RASA2: variants seen among roughly 807,000 people sequenced by gnomAD.
The protein encoded by RASA2 is RAS p21 protein activator 2, also known as ras GTPase-activating protein 2.
In RASA2, 155 loss-of-function variants were observed where a neutral mutation model predicts 118.2. The observed-to-expected ratio is 1.31, with a 90% CI of 1.15 to 1.50. The LOEUF is 1.50. Ranked by LOEUF, RASA2 falls within the 40% of genes most tolerant of loss-of-function variation. The pLI is 0.00. For missense variants in RASA2, 1,016 were observed against 1,009.6 expected (o/e 1.01, Z -0.09); for synonymous variants, 353 against 349.1 (o/e 1.01, Z -0.12).
intron 19 of RASA2, among the ~76,000 whole-genome samples, chr3:141,592,320 T>C (rs905631661): frequency 1.3e-5 from 2 of 152,124 alleles, no homozygotes; most frequent in African/African-American, 4.8e-5. Context: ...AACAAATGCC[T>C]TGAAATAGAA....
chr3:141,576,905 C>T (rs530960290), intron 14 of RASA2, 95 bp from the exon 15 acceptor site: 1 of 706,092 alleles, frequency 1.4e-6, no homozygotes, highest in Middle Eastern at 2.7e-4. Context: ...TTATGTTGCT[C>T]TCCTAGTTTA....
chr3:141,597,136 C>T (rs2083386372), intron 19 of RASA2, among the ~76,000 whole-genome samples: 1 of 152,104 alleles, frequency 6.6e-6, no homozygotes, highest in Non-Finnish European at 1.5e-5. Flanking sequence ...CGTGGTGGCT[C>T]ACATCTGAAA....
At chr3:141,599,861 A>T (rs1201333310) in intron 19 of RASA2, among the ~76,000 whole-genome samples, 1 of 152,200 alleles carries the variant, frequency 6.6e-6, no homozygotes, top group Non-Finnish European at 1.5e-5. Flanking sequence ...AGAGTAAGGG[A>T]GGGAATGTAG....
intron 7 of RASA2, among the ~76,000 whole-genome samples, chr3:141,556,646 A>T (rs976688642): frequency 6.6e-6 from 1 of 152,190 alleles, no homozygotes; most frequent in Non-Finnish European, 1.5e-5. Flanking sequence ...CAGAAAAAAA[A>T]AATCAAACTC....
chr3:141,550,358 A>T (rs769356138), intron 5 of RASA2, among the ~76,000 whole-genome samples: 3 of 152,240 alleles, frequency 2.0e-5, no homozygotes, highest in Admixed American at 6.5e-5. Flanking sequence ...ACTACAAAAT[A>T]ACTGGCCAAT....
At chr3:141,577,213 G>A (rs1271687585) in intron 15 of RASA2, 107 bp downstream of exon 15, 1 of 802,712 alleles carries the variant, frequency 1.2e-6, no homozygotes. Context: ...TCTTATAACT[G>A]ATACTTAAAT....
chr3:141,610,606 T>A (rs1270991562), intron 23 of RASA2, among the ~76,000 whole-genome samples: 1 of 150,298 alleles, frequency 6.7e-6, no homozygotes, highest in East Asian at 1.9e-4. Flanking sequence ...TCCTCCCATC[T>A]CAGCATCTTG....
chr3:141,513,669 A>G (rs940886642), intron 2 of RASA2, among the ~76,000 whole-genome samples: 14 of 152,210 alleles, frequency 9.2e-5, no homozygotes, highest in African/African-American at 3.4e-4. Context: ...ATTTGAAGGG[A>G]AAAATATAGT....
At chr3:141,586,121 G>T in intron 18 of RASA2, 23 bp downstream of exon 18, 1 of 1,555,158 alleles carries the variant, frequency 6.4e-7, no homozygotes, top group Middle Eastern at 1.7e-4. Context: ...AATTAGACGT[G>T]AAAGTCATAT....
At chr3:141,489,913 C>G (rs2081620050) in intron 1 of RASA2, among the ~76,000 whole-genome samples, 1 of 150,134 alleles carries the variant, frequency 6.7e-6, no homozygotes, top group South Asian at 2.1e-4. Context: ...AACATGAGAC[C>G]TCAATATATA....
rs1478761596 is a variant in RASA2, at chr3:141,488,102, ATTAT to A, written c.133+889_133+892del. Among the ~76,000 whole-genome samples, 7 of 152,064 alleles carry A rather than the reference ATTAT, an allele frequency of 4.6e-5. No homozygotes were observed. In the East Asian group the frequency reaches 5.8e-4, roughly 13 times the overall value. ...GTTGTCCGAGCATTACTGTGGACAG[ATTAT>A]TTGAGTTCTGTCATTTGAACATTTT... On this transcript the variant is annotated intron_variant, in intron 1 of 23. Transcript: ENST00000286364.
intron 1 of RASA2, among the ~76,000 whole-genome samples, chr3:141,499,112 T>C (rs6808837): frequency 0.43 from 65,153 of 152,014 alleles, 14,375 homozygotes; most frequent in African/African-American, 0.53. Flanking sequence ...TTGTTCTAGA[T>C]TAAGCTTCAG....
intron 3 of RASA2, among the ~76,000 whole-genome samples, chr3:141,527,337 G>A (rs568360386): frequency 9.9e-5 from 15 of 152,136 alleles, no homozygotes; most frequent in Non-Finnish European, 1.9e-4. Context: ...CTACTGATTC[G>A]TTTCTGGATG....
chr3:141,512,053 T>A (rs1164770052), intron 1 of RASA2, 110 bp from the exon 2 acceptor site: 1 of 708,954 alleles, frequency 1.4e-6, no homozygotes, highest in Non-Finnish European at 2.3e-6. Flanking sequence ...TGTTTTTTTT[T>A]TTTTCTGTGC....
Position 141,571,023 on chromosome 3 carries a change from C to G in RASA2, c.975C>G (p.Tyr325Ter). ...YTEDYVLPSE[Y>*]YGPLKTLLLK... The stretch of plus-strand genomic sequence containing the variant: ...AAGACTACGTGCTTCCTTCAGAGTA[C>G]TATGGTCCTTTGAAAACTTTGCTGC... The change falls in exon 10 of 24, where the codon TAC (tyrosine) becomes TAG (stop). Residue 325 changes from tyrosine (Y) to a stop codon, truncating the protein, a stop_gained. Coordinates refer to ENST00000286364, the MANE Select transcript of RASA2 (RefSeq NM_006506.5). LOFTEE classifies it high-confidence loss of function. 6.2e-7 allele frequency: 1 copy of G among 1,608,612 alleles called. No individual in the cohort carries two copies. The highest frequency in any genetic ancestry group is 8.5e-7 in the Non-Finnish European group (1 of 1,178,442).
At chr3:141,598,256 G>A (rs1272202702) in intron 19 of RASA2, among the ~76,000 whole-genome samples, 3 of 152,150 alleles carry the variant, frequency 2.0e-5, no homozygotes, top group African/African-American at 7.2e-5. Flanking sequence ...TACATATAAT[G>A]AATTAAATCC....
chr3:141,562,373 C>CA (rs1397746043), intron 9 of RASA2, among the ~76,000 whole-genome samples: 1 of 148,238 alleles, frequency 6.7e-6, no homozygotes, highest in Non-Finnish European at 1.5e-5. Flanking sequence ...CCTGTAATCC[C>CA]AGCACTTTGG....
intron 3 of RASA2, among the ~76,000 whole-genome samples, chr3:141,519,574 G>C (rs992808205): frequency 1.3e-5 from 2 of 152,090 alleles, no homozygotes; most frequent in Non-Finnish European, 2.9e-5. Context: ...CTGCCTCTGT[G>C]TCACATTTCA....
chr3:141,615,257 A>C lies in RASA2; in HGVS notation c.*2944A>C, dbSNP rs1243667047. Reference sequence around the variant, plus strand: ...TTGTTGAGAATGTATTTTTATTTAAATTTTATTTTCTTATCAAGAGTATTA... The same window carrying C: ...TTGTTGAGAATGTATTTTTATTTAACTTTTATTTTCTTATCAAGAGTATTA... On this transcript the variant is annotated 3_prime_UTR_variant, in exon 24 of 24. Coordinates refer to ENST00000286364, the MANE Select transcript of RASA2 (RefSeq NM_006506.5). 2.0e-5 allele frequency: 3 copies of C among 152,102 alleles called. No homozygotes were observed. The highest frequency in any genetic ancestry group is 2.9e-5 in the Non-Finnish European group (2 of 68,016). The allele number at this position is 152,102 out of a possible 1,614,324, so 9.4% of individuals were successfully genotyped here.
Sources: gnomAD v4.1 joint callset for allele counts (sites outside exome capture counted in the v4.1 genomes callset) on GRCh38, gnomAD v4.1.1 for gene constraint, MANE v1.5 for transcripts, NCBI Gene and HGNC (gene_info 2026-07-23, HGNC 2026-07-21) for gene names.